Variants in NYX observed in about 807,000 individuals in gnomAD.
NYX encodes the protein nyctalopin.
For synonymous variants in NYX, 258 were observed against 245.7 expected, an observed-to-expected ratio of 1.05 and a Z score of -0.47; for missense variants, 481 against 485.4, an observed-to-expected ratio of 0.99 and a Z score of 0.09.
At chrX:41,451,563 G>C (rs2064279958) in intron 2 of NYX, among the ~76,000 whole-genome samples, 1 of 111,614 alleles carries the variant, frequency 9.0e-6, no homozygotes, top group Non-Finnish European at 1.9e-5. Context: ...GTCCAGGCTG[G>C]AGTGCAGTGG....
chrX:41,464,670 C>CGTGTGTGTGT lies in NYX; in HGVS notation c.23-8804_23-8795dup, dbSNP rs768617215. On this transcript the variant is annotated intron_variant, in intron 2 of 2. Coordinates refer to ENST00000378220, the MANE Select transcript of NYX (RefSeq NM_001378477.3). The stretch of plus-strand genomic sequence containing the variant: ...CTATCTTTGGCTATGATGGGCCGTG[C>CGTGTGTGTGT]GTGTGTGTGTGTGTGTGTGTGTGTG... 9.2e-3 allele frequency among the ~76,000 whole-genome samples: 941 copies of CGTGTGTGTGT among 101,755 alleles called. 9 individuals carry two copies. Among genetic ancestry groups the CGTGTGTGTGT allele is most frequent in the East Asian group, 0.046 (147 of 3,169 alleles). 88.4% of individuals were successfully genotyped at this position (101,755 alleles called of 115,157 possible).
intron 2 of NYX, among the ~76,000 whole-genome samples, chrX:41,454,866 C>G (rs1254913671): frequency 9.0e-6 from 1 of 111,502 alleles, no homozygotes; most frequent in Non-Finnish European, 1.9e-5. Context: ...CTTGGCTTCC[C>G]AAAGTGCTGG....
Position 41,474,915 on chromosome X carries a change from GA to G in NYX, c.*19del. On this transcript the variant is annotated 3_prime_UTR_variant, in exon 3 of 3. Transcript: ENST00000378220. ...GATGGACTGACCTGGCCAGAGGGGGGAAAGTTTGCTTAACTGGGCTTGAGTG... is the reference window on the plus strand; with the variant it reads ...GATGGACTGACCTGGCCAGAGGGGGGAAGTTTGCTTAACTGGGCTTGAGTG... 8.5e-7 allele frequency: 1 copy of G among 1,176,855 alleles called. No individual in the cohort carries two copies. The highest frequency in any genetic ancestry group is 1.7e-5 in the African/African-American group (1 of 57,461).
intron 2 of NYX, among the ~76,000 whole-genome samples, chrX:41,463,822 C>T (rs1483201955): frequency 9.0e-6 from 1 of 111,524 alleles, no homozygotes; most frequent in Non-Finnish European, 1.9e-5. Context: ...ACCCCCCCAT[C>T]GGCCTCCCAA....
Position 41,475,639 on chromosome X carries a change from A to G in NYX, c.*740A>G, listed in dbSNP as rs1227953471. On this transcript the variant is annotated 3_prime_UTR_variant, in exon 3 of 3. Coordinates refer to ENST00000378220, the MANE Select transcript of NYX (RefSeq NM_001378477.3). ...CGAGGATTAAAAAAAAAAAAAGGTT[A>G]AACCGGTTTCTCTACTGCTGGACTT... is the stretch of plus-strand genomic sequence containing the variant. 1 of 111,325 alleles carries G rather than the reference A, an allele frequency of 9.0e-6. No homozygotes were observed. Among genetic ancestry groups the G allele is most frequent in the African/African-American group, 3.3e-5 (1 of 30,673 alleles). 9.2% of individuals were successfully genotyped at this position (111,325 alleles called of 1,213,427 possible). A position where few individuals can be genotyped will look rare whatever the true frequency, so the allele number is the denominator to read the frequency against.
Position 41,473,869 on chromosome X carries a change from G to T in NYX, c.401G>T (p.Arg134Leu), listed in dbSNP as rs1198926955. Residue 134 changes from arginine to leucine, a missense_variant, in exon 3 of 3, where the codon CGC becomes CTC. Transcript: ENST00000378220. ...RTFAALSRLR[R>L]LDLAACRLFS... ...TTCGCGGCGCTCAGCCGCCTGCGCC[G>T]CCTAGACCTAGCAGCCTGCCGCCTC... 2 of 1,123,454 alleles carry T rather than the reference G, an allele frequency of 1.8e-6. No homozygotes were observed. Among genetic ancestry groups the T allele is most frequent in the African/African-American group, 3.8e-5 (2 of 52,786 alleles). 92.6% of individuals were successfully genotyped at this position (1,123,454 alleles called of 1,213,427 possible).
chrX:41,447,616 G>A (rs902202196), intron 1 of NYX, 100 bp downstream of exon 1: 3 of 400,248 alleles, frequency 7.5e-6, no homozygotes, highest in Non-Finnish European at 1.3e-5. Flanking sequence ...CTGAGTTGCT[G>A]TCAGGGCTGT....
chrX:41,447,462 C>G lies in NYX; in HGVS notation c.-111C>G. On this transcript the variant is annotated 5_prime_UTR_variant, in exon 1 of 3. Transcript: ENST00000378220. Reference sequence around the variant, plus strand: ...CTGCCTGACTTGGGAGATGGATGGGCTGAGGGAGTGGAGGGGGACCTCAGA... The same window carrying G: ...CTGCCTGACTTGGGAGATGGATGGGGTGAGGGAGTGGAGGGGGACCTCAGA... 7.4e-6 allele frequency: 1 copy of G among 135,445 alleles called. No individual in the cohort carries two copies. 11.2% of individuals were successfully genotyped at this position (135,445 alleles called of 1,213,427 possible).
chrX:41,470,693 T>C, intron 2 of NYX, among the ~76,000 whole-genome samples: 1 of 22,617 alleles, frequency 4.4e-5, no homozygotes, highest in South Asian at 3.1e-3. Context: ...GGACTCTGTC[T>C]CAAAAAAAAA....
intron 2 of NYX, among the ~76,000 whole-genome samples, chrX:41,471,301 G>A (rs773174819): frequency 1.9e-4 from 21 of 111,254 alleles, no homozygotes; most frequent in South Asian, 3.8e-4. Flanking sequence ...TAGTAGAGAC[G>A]GGGTTTCACC....
chrX:41,472,270 G>C, intron 2 of NYX: 2 of 1,086,779 alleles, frequency 1.8e-6, no homozygotes, highest in Non-Finnish European at 2.5e-6. Context: ...ATGGCTTGAA[G>C]GTATACGAAA....
In NYX at chrX:41,447,830, C is replaced by G. The variant is rs1473794945; in HGVS notation, c.-56-19C>G. ...GGGGCCCTCCTGGGCACTGGGTGAC[C>G]TGTCCTTTCTCCCCTCAGGTAGGGG... On this transcript the variant is annotated intron_variant, in intron 1 of 2. Transcript: ENST00000378220. The G allele has an allele frequency of 3.4e-6, 4 of 1,166,507 alleles. No homozygotes were observed. The highest frequency in any genetic ancestry group is 4.7e-6 in the Non-Finnish European group (4 of 858,435).
chrX:41,454,040 C>A (rs770052182), intron 2 of NYX, among the ~76,000 whole-genome samples: 1 of 112,074 alleles, frequency 8.9e-6, no homozygotes, highest in Non-Finnish European at 1.9e-5. Context: ...TGCATCTAGA[C>A]CTTTGATTTT....
At chrX:41,468,484 G>A (rs1035079950) in intron 2 of NYX, among the ~76,000 whole-genome samples, 10 of 111,014 alleles carry the variant, frequency 9.0e-5, no homozygotes, top group African/African-American at 2.6e-4. Context: ...TAGAGATGGG[G>A]TTTCACCATG....
intron 2 of NYX, chrX:41,472,546 T>G (rs2064365829): frequency 5.3e-6 from 3 of 562,600 alleles, no homozygotes; most frequent in African/African-American, 4.5e-5. Flanking sequence ...CAAGAACCTC[T>G]GACTACAGGG....
chrX:41,463,491 C>T (rs1478902948), intron 2 of NYX, among the ~76,000 whole-genome samples: 2 of 107,412 alleles, frequency 1.9e-5, no homozygotes, highest in Non-Finnish European at 3.9e-5. Context: ...GGCGCAATCT[C>T]GGCTCACTGC....
In NYX at chrX:41,474,929, C is replaced by G. The variant is rs996119622; in HGVS notation, c.*30C>G. ...GCCAGAGGGGGGAAAGTTTGCTTAA[C>G]TGGGCTTGAGTGTGTTTGTGGTAAG... On this transcript the variant is annotated 3_prime_UTR_variant, in exon 3 of 3. Coordinates refer to ENST00000378220, the MANE Select transcript of NYX (RefSeq NM_001378477.3). The G allele has an allele frequency of 3.5e-6, 4 of 1,139,158 alleles. No homozygotes were observed. In the African/African-American group the frequency reaches 5.3e-5, roughly 15 times the overall value. 93.9% of individuals were successfully genotyped at this position (1,139,158 alleles called of 1,213,427 possible).
intron 2 of NYX, among the ~76,000 whole-genome samples, chrX:41,467,171 T>G (rs944519280): frequency 7.3e-5 from 8 of 110,342 alleles, no homozygotes; most frequent in African/African-American, 2.6e-4. Flanking sequence ...GTTAGTCTGA[T>G]AGAAGCTACT....
In NYX at chrX:41,473,305, G is replaced by T. The variant is rs189948501; in HGVS notation, c.23-186G>T. 4.2e-4 allele frequency among the ~76,000 whole-genome samples: 47 copies of T among 111,015 alleles called. 1 individual carries two copies. Among genetic ancestry groups the T allele is most frequent in the African/African-American group, 1.5e-3 (47 of 30,649 alleles). On this transcript the variant is annotated intron_variant, in intron 2 of 2. Transcript: ENST00000378220. ...AGCAAAGGAGCGGGTGTCTTAGGTG[G>T]ATAAACCCGTGTGAGGCCGCGGAGG...
Sources: allele counts gnomAD v4.1 joint callset (sites outside exome capture counted in the v4.1 genomes callset), GRCh38; gene constraint gnomAD v4.1.1; transcripts MANE v1.5; gene names NCBI Gene and HGNC (gene_info 2026-07-23, HGNC 2026-07-21).